Variants in DLG2 observed in about 807,000 individuals in gnomAD.
DLG2 encodes disks large homolog 2.
In DLG2, 45 loss-of-function variants were observed where a neutral mutation model predicts 132.5. That is an observed-to-expected ratio of 0.34 (90% CI 0.27 to 0.44). DLG2 has a LOEUF of 0.44. DLG2 is among the 20% of genes least tolerant of loss of function. The pLI is 1.00. For synonymous variants in DLG2, 424 were observed against 419.6 expected, an observed-to-expected ratio of 1.01 and a Z score of -0.13; for missense variants, 1,045 against 1,196.9, an observed-to-expected ratio of 0.87 and a Z score of 1.87.
Position 83,855,588 on chromosome 11 carries a change from T to G in DLG2, c.1565+18832A>C, listed in dbSNP as rs1027674726. 9.2e-5 allele frequency among the ~76,000 whole-genome samples: 14 copies of G among 152,216 alleles called. 1 individual carries two copies. On this transcript the variant is annotated intron_variant, in intron 16 of 27. Transcript: ENST00000376104. ...AATCTGAAAAGGCTACATACTGTATTATTCCAACTATCTGATACTCTGGAA... is the reference window on the plus strand; with the variant it reads ...AATCTGAAAAGGCTACATACTGTATGATTCCAACTATCTGATACTCTGGAA...
At chr11:84,505,147 G>A (rs1224649431) in intron 7 of DLG2, among the ~76,000 whole-genome samples, 2 of 152,062 alleles carry the variant, frequency 1.3e-5, no homozygotes, top group Non-Finnish European at 2.9e-5. Context: ...GTATTAAAAT[G>A]TATCCTATTT....
chr11:84,551,754 G>C (rs2154524259), intron 6 of DLG2, among the ~76,000 whole-genome samples: 1 of 152,252 alleles, frequency 6.6e-6, no homozygotes, highest in South Asian at 2.1e-4. Flanking sequence ...TGTTTCTTCT[G>C]AGTATGGTAG....
At chr11:85,154,709 T>C (rs1250112860) in intron 4 of DLG2, 58 bp from the exon 5 acceptor site, 6 of 826,594 alleles carry the variant, frequency 7.3e-6, no homozygotes, top group African/African-American at 5.2e-5. Context: ...ATGTATATTG[T>C]TTTCAAACTT....
At chr11:84,448,774 A>C (rs1279730189) in intron 7 of DLG2, among the ~76,000 whole-genome samples, 4 of 151,944 alleles carry the variant, frequency 2.6e-5, no homozygotes, top group Non-Finnish European at 4.4e-5. Context: ...TTCCCTCCGA[A>C]CGCCTATGAA....
chr11:84,417,427 T>C (rs140867048), intron 7 of DLG2, among the ~76,000 whole-genome samples: 2 of 152,288 alleles, frequency 1.3e-5, no homozygotes, highest in East Asian at 3.9e-4. Context: ...CCTTTTCTCC[T>C]TGTACTAAAG....
At chr11:83,867,327 C>G (rs1186880150) in intron 16 of DLG2, among the ~76,000 whole-genome samples, 1 of 152,004 alleles carries the variant, frequency 6.6e-6, no homozygotes, top group African/African-American at 2.4e-5. Flanking sequence ...AAATGAGAGC[C>G]ACATAAAACA....
chr11:84,833,332 A>C (rs531698838), intron 6 of DLG2, among the ~76,000 whole-genome samples: 41 of 151,732 alleles, frequency 2.7e-4, no homozygotes, highest in Admixed American at 5.9e-4. Flanking sequence ...GCTTCACTTC[A>C]GCAGGATGCT....
chr11:84,429,738 A>G (rs990315157), intron 7 of DLG2, among the ~76,000 whole-genome samples: 3 of 152,328 alleles, frequency 2.0e-5, no homozygotes, highest in Admixed American at 6.5e-5. Flanking sequence ...TATCTTTACA[A>G]TGATAATCAT....
chr11:85,080,808 A>G (rs763583279), intron 6 of DLG2, among the ~76,000 whole-genome samples: 2 of 152,126 alleles, frequency 1.3e-5, no homozygotes, highest in South Asian at 4.1e-4. Context: ...TGTTTACTGT[A>G]TCTTAGTTGG....
intron 6 of DLG2, among the ~76,000 whole-genome samples, chr11:84,910,734 G>T (rs140379586): frequency 0.019 from 2,817 of 151,366 alleles, 34 homozygotes; most frequent in Middle Eastern, 0.037. Context: ...GCAATATAGC[G>T]AGATTCCCTT....
In DLG2 at chr11:83,689,558, T is replaced by C. The variant is rs370975085; in HGVS notation, c.1826-56233A>G. ...CTTCTCTGAATTAAACCTTGGTTCC[T>C]CATCTATCAAATGAGGATAATATTA... On this transcript the variant is annotated intron_variant, in intron 18 of 27. Coordinates refer to ENST00000376104, the MANE Select transcript of DLG2 (RefSeq NM_001142699.3). 6.0e-4 allele frequency among the ~76,000 whole-genome samples: 91 copies of C among 152,254 alleles called. 2 individuals carry two copies. The South Asian group carries it at 0.019, about 32-fold the overall frequency.
At chr11:83,718,128 A>G (rs961133702) in intron 18 of DLG2, among the ~76,000 whole-genome samples, 1 of 152,174 alleles carries the variant, frequency 6.6e-6, no homozygotes, top group African/African-American at 2.4e-5. Flanking sequence ...TTAAAATGCA[A>G]TAGTTTAAAT....
intron 7 of DLG2, among the ~76,000 whole-genome samples, chr11:84,384,144 A>C (rs2098759413): frequency 6.6e-6 from 1 of 151,098 alleles, no homozygotes; most frequent in Admixed American, 6.6e-5. Flanking sequence ...GAACAAAAGT[A>C]AATGTGGAAA....
At position 83,492,400 on chromosome 11, in the gene DLG2, G is replaced by A. The variant is rs533882281; in HGVS notation, c.2194-8172C>T. Reference sequence around the variant, plus strand: ...GGTCTTTAAAAATTGGGGGTATTTGGACTCAGTTTTTGAGTCTCCTCTCCC... The same window carrying A: ...GGTCTTTAAAAATTGGGGGTATTTGAACTCAGTTTTTGAGTCTCCTCTCCC... On this transcript the variant is annotated intron_variant, in intron 21 of 27. Transcript: ENST00000376104. Among the ~76,000 whole-genome samples, 4 of 151,948 alleles carry A rather than the reference G, an allele frequency of 2.6e-5. No individual in the cohort carries two copies. The East Asian group carries it at 7.8e-4, about 30-fold the overall frequency.
chr11:85,493,326 TTTGCAA>T (rs1040840440), intron 3 of DLG2, among the ~76,000 whole-genome samples: 2 of 152,222 alleles, frequency 1.3e-5, no homozygotes, highest in Admixed American at 6.5e-5. Context: ...TCTTATGGCC[TTTGCAA>T]TTGCTGCTCT....
intron 3 of DLG2, among the ~76,000 whole-genome samples, chr11:85,515,553 TA>T (rs1449210782): frequency 6.6e-6 from 1 of 151,992 alleles, no homozygotes; most frequent in Non-Finnish European, 1.5e-5. Flanking sequence ...GCTTAATTCA[TA>T]ATACCTTGAA....
chr11:84,847,097 A>T (rs904601680), intron 6 of DLG2, among the ~76,000 whole-genome samples: 2 of 152,194 alleles, frequency 1.3e-5, no homozygotes, highest in African/African-American at 4.8e-5. Flanking sequence ...AGTTGTTATA[A>T]GTCATTATAT....
At chr11:83,796,654 A>T in intron 17 of DLG2, among the ~76,000 whole-genome samples, 1 of 152,220 alleles carries the variant, frequency 6.6e-6, no homozygotes, top group East Asian at 1.9e-4. Context: ...TTGTGAGATC[A>T]AATATGGCAA....
intron 17 of DLG2, among the ~76,000 whole-genome samples, chr11:83,803,936 T>G (rs1265741399): frequency 6.6e-6 from 1 of 152,132 alleles, no homozygotes; most frequent in South Asian, 2.1e-4. Context: ...CATCTGATGT[T>G]TTTTTCATCG....
Sources: allele counts gnomAD v4.1 joint callset (sites outside exome capture counted in the v4.1 genomes callset), GRCh38; gene constraint gnomAD v4.1.1; transcripts MANE v1.5; gene names NCBI Gene and HGNC (gene_info 2026-07-23, HGNC 2026-07-21).